CNTN4: variants seen among roughly 807,000 people sequenced by gnomAD.
The protein encoded by CNTN4 is contactin-4.
Under a neutral mutation model 122.5 loss-of-function variants are expected in CNTN4, and 77 were observed. The observed-to-expected ratio is 0.63, with a 90% CI of 0.52 to 0.76. The LOEUF is 0.76. Ranked by LOEUF, CNTN4 falls within the 30% of genes least tolerant of loss-of-function variation. The probability of loss-of-function intolerance (pLI) is 0.00; values close to 1 mark genes in which losing one functional copy is unlikely to be tolerated. For missense variants in CNTN4, 1,256 were observed against 1,259.1 expected, an observed-to-expected ratio of 1.00 and a Z score of 0.04; for synonymous variants, 512 against 447.0, an observed-to-expected ratio of 1.15 and a Z score of -1.83.
intron 4 of CNTN4, among the ~76,000 whole-genome samples, chr3:2,621,498 G>C (rs906985438): frequency 6.6e-6 from 1 of 152,026 alleles, no homozygotes; most frequent in Non-Finnish European, 1.5e-5. Flanking sequence ...GGCCTGTCGG[G>C]GGGTGGGGGG....
At chr3:2,542,936 C>G (rs2078092976) in intron 3 of CNTN4, among the ~76,000 whole-genome samples, 1 of 152,038 alleles carries the variant, frequency 6.6e-6, no homozygotes, top group Admixed American at 6.6e-5. Context: ...GAAACATTTC[C>G]ACCCATTATG....
intron 3 of CNTN4, among the ~76,000 whole-genome samples, chr3:2,487,966 T>G (rs1487440671): frequency 6.6e-6 from 1 of 152,206 alleles, no homozygotes; most frequent in Non-Finnish European, 1.5e-5. Context: ...AGAGCCAACT[T>G]AGCAAACCTG....
At chr3:2,778,895 C>T (rs2091456420) in intron 6 of CNTN4, among the ~76,000 whole-genome samples, 1 of 152,150 alleles carries the variant, frequency 6.6e-6, no homozygotes, top group African/African-American at 2.4e-5. Context: ...TCACAATATT[C>T]CCAGGGCTGT....
chr3:2,481,063 C>CTTTCTT (rs1575730827), intron 3 of CNTN4, among the ~76,000 whole-genome samples: 938 of 38,836 alleles, frequency 0.024, 10 homozygotes, highest in African/African-American at 0.058. Context: ...CTTTCTTTCT[C>CTTTCTT]TCTTTCTCTC....
chr3:2,973,905 G>A (rs1408899945), intron 13 of CNTN4, among the ~76,000 whole-genome samples: 1 of 152,140 alleles, frequency 6.6e-6, no homozygotes, highest in African/African-American at 2.4e-5. Context: ...GTTGATCATG[G>A]GAGAAAGGTT....
intron 2 of CNTN4, among the ~76,000 whole-genome samples, chr3:2,205,350 A>G (rs1575077896): frequency 6.7e-6 from 1 of 149,360 alleles, no homozygotes; most frequent in Middle Eastern, 3.6e-3. Context: ...ATTATAAAAT[A>G]TATGTAATAT....
At chr3:2,400,295 A>G (rs2046790880) in intron 3 of CNTN4, among the ~76,000 whole-genome samples, 1 of 150,468 alleles carries the variant, frequency 6.6e-6, no homozygotes, top group African/African-American at 2.4e-5. Flanking sequence ...TTTTTCCATA[A>G]TATATATGTA....
intron 2 of CNTN4, among the ~76,000 whole-genome samples, chr3:2,199,923 C>T (rs756390135): frequency 6.6e-6 from 1 of 152,054 alleles, no homozygotes; most frequent in Non-Finnish European, 1.5e-5. Flanking sequence ...TTGTCATATT[C>T]TAAGCATATG....
chr3:2,179,675 C>G (rs1001447746), intron 2 of CNTN4, among the ~76,000 whole-genome samples: 1 of 151,364 alleles, frequency 6.6e-6, no homozygotes, highest in Non-Finnish European at 1.5e-5. Flanking sequence ...TTTTTAATTT[C>G]CAGGGACTGT....
chr3:2,273,822 T>C (rs1452070048), intron 2 of CNTN4, among the ~76,000 whole-genome samples: 1 of 152,196 alleles, frequency 6.6e-6, no homozygotes, highest in Non-Finnish European at 1.5e-5. Context: ...GTTAACAACT[T>C]TCTGAAAATA....
intron 2 of CNTN4, among the ~76,000 whole-genome samples, chr3:2,274,867 C>G (rs1207879900): frequency 1.4e-5 from 2 of 145,530 alleles, no homozygotes; most frequent in Non-Finnish European, 3.0e-5. Flanking sequence ...GAACATAATG[C>G]TAGGAATTCA....
rs546325411 is a variant in CNTN4, at chr3:2,729,741, C to T, written c.56-6474C>T. 4.2e-4 allele frequency among the ~76,000 whole-genome samples: 64 copies of T among 151,656 alleles called. No homozygotes were observed. The South Asian group carries it at 0.013, about 31-fold the overall frequency. On this transcript the variant is annotated intron_variant, in intron 4 of 24. Coordinates refer to ENST00000418658, the MANE Select transcript of CNTN4 (RefSeq NM_175607.3). ...CGGCCTGACCAACATGCTGAAACCCCGTCTCTACTAAAAACAAAAAAAATT... is the reference window on the plus strand; with the variant it reads ...CGGCCTGACCAACATGCTGAAACCCTGTCTCTACTAAAAACAAAAAAAATT...
intron 7 of CNTN4, among the ~76,000 whole-genome samples, chr3:2,846,703 G>A (rs1020149593): frequency 1.3e-5 from 2 of 152,166 alleles, no homozygotes; most frequent in African/African-American, 4.8e-5. Flanking sequence ...AAGAATAACT[G>A]ATTTTTATTC....
At chr3:2,792,059 A>T (rs768850699) in intron 6 of CNTN4, among the ~76,000 whole-genome samples, 12 of 152,190 alleles carry the variant, frequency 7.9e-5, no homozygotes, top group Non-Finnish European at 1.6e-4. Flanking sequence ...AATCCTGCAC[A>T]TGTACCCCTG....
At chr3:2,629,136 G>C (rs900911329) in intron 4 of CNTN4, among the ~76,000 whole-genome samples, 4 of 152,122 alleles carry the variant, frequency 2.6e-5, no homozygotes, top group East Asian at 3.9e-4. Context: ...AGGTCATAAG[G>C]GTGTGGCACC....
intron 4 of CNTN4, among the ~76,000 whole-genome samples, chr3:2,654,518 A>T (rs1237260297): frequency 2.6e-5 from 4 of 152,110 alleles, no homozygotes; most frequent in African/African-American, 9.7e-5. Flanking sequence ...CTTTTCTCCA[A>T]CACTTAATAA....
intron 4 of CNTN4, among the ~76,000 whole-genome samples, chr3:2,701,290 T>C (rs2086343161): frequency 6.6e-6 from 1 of 152,190 alleles, no homozygotes; most frequent in African/African-American, 2.4e-5. Context: ...AGACTGATTA[T>C]GGTTACTGAT....
chr3:2,854,672 A>G (rs1164098488), intron 7 of CNTN4, among the ~76,000 whole-genome samples: 2 of 152,188 alleles, frequency 1.3e-5, no homozygotes, highest in African/African-American at 4.8e-5. Context: ...TTAATCAAGG[A>G]GAATGTGGAA....
intron 3 of CNTN4, among the ~76,000 whole-genome samples, chr3:2,411,138 C>G (rs1469909701): frequency 1.3e-5 from 2 of 152,128 alleles, no homozygotes; most frequent in African/African-American, 2.4e-5. Flanking sequence ...TGAGAACACA[C>G]AGACACAGGG....
Sources: gnomAD v4.1 joint callset for allele counts (sites outside exome capture counted in the v4.1 genomes callset) on GRCh38, gnomAD v4.1.1 for gene constraint, MANE v1.5 for transcripts, NCBI Gene and HGNC (gene_info 2026-07-23, HGNC 2026-07-21) for gene names.